ARB2A: variants seen among roughly 807,000 people sequenced by gnomAD.
ARB2A encodes the protein ARB2 cotranscriptional regulator A.
the ARB2A span, among the ~76,000 whole-genome samples, chr5:93,925,142 A>T: frequency 6.6e-6 from 1 of 152,190 alleles, no homozygotes; most frequent in African/African-American, 2.4e-5. Flanking sequence ...ATAAAATGTA[A>T]TGTCTTAATC....
At chr5:94,028,718 ATTTT>A in the ARB2A span, among the ~76,000 whole-genome samples, 1 of 152,226 alleles carries the variant, frequency 6.6e-6, no homozygotes, top group Admixed American at 6.5e-5. Flanking sequence ...AACTGTTAAC[ATTTT>A]TGCCAAAAAT....
At chr5:93,692,389 G>A in the ARB2A span, among the ~76,000 whole-genome samples, 1 of 152,098 alleles carries the variant, frequency 6.6e-6, no homozygotes, top group Non-Finnish European at 1.5e-5. Context: ...AAAAGCAGGG[G>A]TTGCAATCCT....
At chr5:93,646,434 C>CTG in the ARB2A span, among the ~76,000 whole-genome samples, 107,026 of 151,624 alleles carry the variant, frequency 0.71, 38,193 homozygotes, top group African/African-American at 0.81. Context: ...CTTAATTACA[C>CTG]TTACATATGG....
At chr5:93,949,957 T>C in the ARB2A span, among the ~76,000 whole-genome samples, 66 of 152,222 alleles carry the variant, frequency 4.3e-4, 1 homozygote, top group African/African-American at 1.5e-3. Context: ...AGTGAGAACA[T>C]GTGAAGTCTG....
the ARB2A span, among the ~76,000 whole-genome samples, chr5:93,963,059 G>A: frequency 2.6e-3 from 395 of 152,126 alleles, 1 homozygote; most frequent in Non-Finnish European, 4.3e-3. Context: ...TATTAATTGT[G>A]TTGTATCAAT....
the ARB2A span, chr5:93,881,631 G>A: frequency 1.2e-6 from 2 of 1,602,888 alleles, no homozygotes; most frequent in Non-Finnish European, 1.7e-6. Context: ...TGTATCTTCG[G>A]CTTTTCTACT....
the ARB2A span, among the ~76,000 whole-genome samples, chr5:93,778,963 G>C: frequency 6.6e-6 from 1 of 152,044 alleles, no homozygotes; most frequent in African/African-American, 2.4e-5. Context: ...CATGTTTAAG[G>C]CTTTGATCTC....
chr5:93,877,444 A>T, the ARB2A span, among the ~76,000 whole-genome samples: 1 of 152,040 alleles, frequency 6.6e-6, no homozygotes, highest in African/African-American at 2.4e-5. Flanking sequence ...TCTCCATCCA[A>T]GGGATTAAAT....
At chr5:93,998,072 G>T in the ARB2A span, among the ~76,000 whole-genome samples, 1 of 151,660 alleles carries the variant, frequency 6.6e-6, no homozygotes. Flanking sequence ...AAAGGTTCAA[G>T]GAACAACTTG....
the ARB2A span, chr5:93,860,994 G>A: frequency 6.6e-6 from 1 of 152,088 alleles, no homozygotes; most frequent in Non-Finnish European, 1.5e-5. Context: ...AACTAGAGAA[G>A]GACTTTGTAA....
the ARB2A span, among the ~76,000 whole-genome samples, chr5:94,059,098 T>C: frequency 3.3e-5 from 5 of 151,962 alleles, no homozygotes; most frequent in African/African-American, 1.2e-4. Context: ...ATAAACCTCT[T>C]TTCTTTTAAA....
At chr5:94,049,817 T>A in the ARB2A span, among the ~76,000 whole-genome samples, 2 of 152,220 alleles carry the variant, frequency 1.3e-5, no homozygotes, top group African/African-American at 4.8e-5. Context: ...CGAGACCCTG[T>A]CTCAAAAACA....
the ARB2A span, among the ~76,000 whole-genome samples, chr5:93,773,817 T>G: frequency 6.6e-6 from 1 of 152,196 alleles, no homozygotes; most frequent in East Asian, 1.9e-4. Context: ...TGGGGTACAG[T>G]AGTACAATCA....
the ARB2A span, among the ~76,000 whole-genome samples, chr5:93,680,074 T>C: frequency 6.6e-6 from 1 of 152,124 alleles, no homozygotes; most frequent in Non-Finnish European, 1.5e-5. Flanking sequence ...TTTCACATTT[T>C]AAGATTTAAA....
chr5:93,963,359 C>A, the ARB2A span, among the ~76,000 whole-genome samples: 1 of 152,016 alleles, frequency 6.6e-6, no homozygotes, highest in South Asian at 2.1e-4. Flanking sequence ...AGCTGTTACA[C>A]AGAATAATAT....
the ARB2A span, among the ~76,000 whole-genome samples, chr5:94,051,071 A>T: frequency 6.6e-6 from 1 of 152,190 alleles, no homozygotes; most frequent in Non-Finnish European, 1.5e-5. Flanking sequence ...AATCTAAAGC[A>T]AACTAACAAT....
chr5:94,001,646 T>G, the ARB2A span, among the ~76,000 whole-genome samples: 2 of 152,114 alleles, frequency 1.3e-5, no homozygotes, highest in Non-Finnish European at 2.9e-5. Context: ...TGCTTTTGAT[T>G]TCTAACTTTT....
chr5:93,904,131 A>G, the ARB2A span, among the ~76,000 whole-genome samples: 5 of 151,952 alleles, frequency 3.3e-5, no homozygotes, highest in African/African-American at 1.2e-4. Context: ...ACTACTGTAT[A>G]GACTAAAGGG....
the ARB2A span, among the ~76,000 whole-genome samples, chr5:94,000,248 A>G: frequency 6.6e-6 from 1 of 152,088 alleles, no homozygotes. Context: ...ACTATCTTCC[A>G]ATGTGGCTGA....
Sources: allele counts gnomAD v4.1 joint callset (sites outside exome capture counted in the v4.1 genomes callset), GRCh38; gene constraint gnomAD v4.1.1; transcripts MANE v1.5; gene names NCBI Gene and HGNC (gene_info 2026-07-23, HGNC 2026-07-21).